The following ALDH16A1 variants were observed in gnomAD, a reference collection of about 807,000 sequenced individuals.
The protein encoded by ALDH16A1 is aldehyde dehydrogenase 16 family member A1, also known as aldehyde dehydrogenase family 16 member A1.
A neutral mutation model predicts 96.1 loss-of-function variants in ALDH16A1; 88 were observed. The observed-to-expected ratio is 0.92, with a 90% confidence interval of 0.77 to 1.09. ALDH16A1 has a LOEUF of 1.09. Ranked by LOEUF, ALDH16A1 falls within the 50% of genes least tolerant of loss-of-function variation. The probability of loss-of-function intolerance (pLI) is 0.00; values close to 1 mark genes in which losing one functional copy is unlikely to be tolerated. For synonymous variants in ALDH16A1, 522 were observed against 496.4 expected (o/e 1.05, Z -0.69); for missense variants, 1,250 against 1,112.6 (o/e 1.12, Z -1.76).
rs1302788792 is a variant in ALDH16A1 at position 49,462,629 on chromosome 19, G to A, written c.972G>A (p.Gln324=). 1 of 1,612,980 alleles carries A rather than the reference G, an allele frequency of 6.2e-7. No individual in the cohort carries two copies. Among genetic ancestry groups the A allele is most frequent in the South Asian group, 1.1e-5 (1 of 91,028 alleles). ...SVWDEAMRRL[Q]ERMGRLRSGR... ...GGGATGAAGCCATGAGACGGCTGCAGGAGCGGATGGGGCGGCTTCGGAGTG... is the reference window on the plus strand; with the variant it reads ...GGGATGAAGCCATGAGACGGCTGCAAGAGCGGATGGGGCGGCTTCGGAGTG... Residue 324 remains glutamine, a synonymous_variant, in exon 8 of 17, where the codon CAG becomes CAA. Coordinates refer to ENST00000293350, the MANE Select transcript of ALDH16A1 (RefSeq NM_153329.4).
intron 10 of ALDH16A1, 48 bp downstream of exon 10, chr19:49,464,311 C>T (rs781545715): frequency 5.5e-5 from 87 of 1,590,558 alleles, no homozygotes; most frequent in Non-Finnish European, 6.7e-5. Flanking sequence ...ATTCTTCCAT[C>T]TTCATCTCCC....
At chr19:49,468,000 A>G (rs1383973817) in intron 14 of ALDH16A1, among the ~76,000 whole-genome samples, 1 of 146,520 alleles carries the variant, frequency 6.8e-6, no homozygotes, top group Non-Finnish European at 1.5e-5. Context: ...TAAATATACA[A>G]AAAAAAAAAA....
intron 14 of ALDH16A1, among the ~76,000 whole-genome samples, chr19:49,467,993 A>G (rs1240501933): frequency 6.6e-6 from 1 of 151,022 alleles, no homozygotes; most frequent in Non-Finnish European, 1.5e-5. Flanking sequence ...TCTCTACTAA[A>G]TATACAAAAA....
chr19:49,459,048 T>G lies in ALDH16A1; in HGVS notation c.282T>G (p.Ser94Arg). ...CCAGGATGGCATTTAAGGGCTGGAGTGCGCACCCCGGCGTCGTCCGGGCCC... is the reference window on the plus strand; with the variant it reads ...CCAGGATGGCATTTAAGGGCTGGAGGGCGCACCCCGGCGTCGTCCGGGCCC... ...EAARMAFKGW[S>R]AHPGVVRAQH... The change falls in exon 3 of 17, where the codon AGT (serine) becomes AGG (arginine). Residue 94 changes from serine to arginine, a missense_variant. By Grantham distance (110) the Ser-to-Arg change is moderately radical. Transcript: ENST00000293350. The surrounding 1 kb of genome is among the most constrained non-coding windows in gnomAD (Gnocchi z 4.1). 6.2e-7 allele frequency: 1 copy of G among 1,613,196 alleles called. No individual in the cohort carries two copies. The highest frequency in any genetic ancestry group is 1.1e-5 in the South Asian group (1 of 91,082).
At chr19:49,466,958 G>A (rs2079204374) in intron 14 of ALDH16A1, among the ~76,000 whole-genome samples, 1 of 152,072 alleles carries the variant, frequency 6.6e-6, no homozygotes, top group Admixed American at 6.6e-5. Context: ...GATCGCTTGA[G>A]GCCAGGAGTT....
At chr19:49,453,641 C>T in intron 1 of ALDH16A1, 2 of 507,286 alleles carry the variant, frequency 3.9e-6, no homozygotes, top group South Asian at 2.9e-5. Flanking sequence ...CACTGGTTCT[C>T]TTGCCCCTTG....
Position 49,461,658 on chromosome 19 carries a change from C to T in ALDH16A1, c.617C>T (p.Ala206Val), listed in dbSNP as rs752869005. The T allele has an allele frequency of 2.4e-5, 39 of 1,604,394 alleles. No homozygotes were observed. Among genetic ancestry groups the T allele is most frequent in the South Asian group, 2.2e-5 (2 of 89,888 alleles). The change falls in exon 6 of 17, where the codon GCG becomes GTG. Residue 206 changes from alanine (A) to valine (V), a missense_variant. Transcript: ENST00000293350. ...GCCCTCGTGCCCCCGGCCTCCCCGG[C>T]GCCCCTCCTCCTGGCCCAGCTGGCG... ...VVALVPPASP[A>V]PLLLAQLAGE... is the part of the protein sequence containing the mutation.
chr19:49,468,803 A>C lies in ALDH16A1; in HGVS notation c.2125-61A>C, dbSNP rs2122427510. 6.4e-7 allele frequency: 1 copy of C among 1,567,688 alleles called. No homozygotes were observed. Among genetic ancestry groups the C allele is most frequent in the Middle Eastern group, 2.3e-4 (1 of 4,346 alleles). ...CTTCCCTCCCATGGGCACCCCCTGA[A>C]TGCCCACTCCTTGCCCTGCCCCCAC... On this transcript the variant is annotated intron_variant, in intron 15 of 16. Transcript: ENST00000293350. The surrounding 1 kb of genome is among the most constrained non-coding windows in gnomAD (Gnocchi z 4.4).
chr19:49,468,436 C>T lies in ALDH16A1; in HGVS notation c.1994C>T (p.Ala665Val), dbSNP rs2079217484. The T allele has an allele frequency of 6.2e-7, 1 of 1,601,334 alleles. No individual in the cohort carries two copies. The highest frequency in any genetic ancestry group is 8.5e-7 in the Non-Finnish European group (1 of 1,179,790). Reference sequence around the variant, plus strand: ...CTGCGGGAGCCGCTGGGTGTGCTGGCTGTGGTGTGTCCGGACGAGTGGCCC... The same window carrying T: ...CTGCGGGAGCCGCTGGGTGTGCTGGTTGTGGTGTGTCCGGACGAGTGGCCC... ...LRLREPLGVLAVVCPDEWPLL... is the reference protein window; with the variant it reads ...LRLREPLGVLVVVCPDEWPLL... Residue 665 changes from alanine (A) to valine (V), a missense_variant, in exon 15 of 17, where the codon GCT becomes GTT. Coordinates refer to ENST00000293350, the MANE Select transcript of ALDH16A1 (RefSeq NM_153329.4). This position sits in a 1 kb window ranked among gnomAD's most constrained non-coding sequence, Gnocchi z 4.4.
Position 49,459,802 on chromosome 19 carries a change from C to A in ALDH16A1, c.453C>A (p.Ile151=), listed in dbSNP as rs2079127718. 5.0e-6 allele frequency: 8 copies of A among 1,613,568 alleles called. No individual in the cohort carries two copies. Among genetic ancestry groups the A allele is most frequent in the Non-Finnish European group, 6.8e-6 (8 of 1,179,902 alleles). ...AGCAGCTGCTCCACTACCATGCAAT[C>A]CAGGCATCCACCCAGGAGGAGGCAC... ...LAQQLLHYHA[I]QASTQEEALA... is the part of the protein sequence containing the mutation. Residue 151 remains isoleucine, a synonymous_variant, in exon 4 of 17, where the codon ATC becomes ATA. Coordinates refer to ENST00000293350, the MANE Select transcript of ALDH16A1 (RefSeq NM_153329.4). The surrounding 1 kb of genome is among the most constrained non-coding windows in gnomAD (Gnocchi z 4.1).
chr19:49,468,992 C>G lies in ALDH16A1; in HGVS notation c.2247+6C>G. 6.2e-7 allele frequency: 1 copy of G among 1,605,070 alleles called. No homozygotes were observed. The highest frequency in any genetic ancestry group is 8.5e-7 in the Non-Finnish European group (1 of 1,173,922). ...GGTATTTCGGATCAGCCCAGGTGCT[C>G]TTTGTTCTGTTTTGCCATCTTCAGC... is the stretch of plus-strand genomic sequence containing the variant. On this transcript the variant is annotated splice_donor_region_variant and intron_variant, in intron 16 of 16. Transcript: ENST00000293350. This position sits in a 1 kb window ranked among gnomAD's most constrained non-coding sequence, Gnocchi z 4.4.
chr19:49,465,786 T>C lies in ALDH16A1; in HGVS notation c.1617T>C (p.Pro539=), dbSNP rs759240746. The change falls in exon 13 of 17, where the codon CCT becomes CCC. Residue 539 remains proline (P), a synonymous_variant. Coordinates refer to ENST00000293350, the MANE Select transcript of ALDH16A1 (RefSeq NM_153329.4). The part of the protein sequence containing the change: ...GLFVGGRFQA[P]GARSSRPIRD... ...TCGTTGGGGGCCGTTTCCAGGCTCC[T>C]GGGGCCCGAAGCTCCAGGCCCATCC... The C allele has an allele frequency of 3.7e-6, 6 of 1,614,072 alleles. No individual in the cohort carries two copies. The highest frequency in any genetic ancestry group is 1.7e-6 in the Non-Finnish European group (2 of 1,179,980).
Position 49,459,023 on chromosome 19 carries a change from C to G in ALDH16A1, c.257C>G (p.Ala86Gly), listed in dbSNP as rs769337524. 1 of 1,613,436 alleles carries G rather than the reference C, an allele frequency of 6.2e-7. No individual in the cohort carries two copies. Among genetic ancestry groups the G allele is most frequent in the Non-Finnish European group, 8.5e-7 (1 of 1,180,036 alleles). ...GATGTGGCTGCAGCCGTGGAGGCAG[C>G]CAGGATGGCATTTAAGGGCTGGAGT... ...AEDVAAAVEA[A>G]RMAFKGWSAH... Residue 86 changes from alanine to glycine, a missense_variant, in exon 3 of 17, where the codon GCC becomes GGC. By Grantham distance (60) the Ala-to-Gly change is moderately conservative (BLOSUM62 0). Transcript: ENST00000293350. This position sits in a 1 kb window ranked among gnomAD's most constrained non-coding sequence, Gnocchi z 4.1.
intron 16 of ALDH16A1, 99 bp downstream of exon 16, chr19:49,469,085 G>A (rs1032653514): frequency 5.7e-5 from 84 of 1,483,720 alleles, no homozygotes; most frequent in Middle Eastern, 5.4e-4. Context: ...ACTCCTGTTG[G>A]TAAGGGGAGA....
intron 1 of ALDH16A1, 153 bp downstream of exon 1, chr19:49,453,574 T>C (rs964738919): frequency 7.2e-6 from 5 of 690,744 alleles, no homozygotes; most frequent in Non-Finnish European, 1.2e-5. Flanking sequence ...TCGCGCCCTG[T>C]AGGACGCTCC....
At position 49,464,502 on chromosome 19, in the gene ALDH16A1, T is replaced by C. The variant is rs1418380709; in HGVS notation, c.1417T>C (p.Ser473Pro). 1.2e-6 allele frequency: 2 copies of C among 1,613,642 alleles called. No individual in the cohort carries two copies. The highest frequency in any genetic ancestry group is 1.7e-6 in the Non-Finnish European group (2 of 1,179,930). The change falls in exon 11 of 17, where the codon TCC becomes CCC. Residue 473 changes from serine to proline, a missense_variant. Physicochemically the swap from Ser to Pro is moderately conservative, Grantham distance 74. Coordinates refer to ENST00000293350, the MANE Select transcript of ALDH16A1 (RefSeq NM_153329.4). ...PTGGCKESGC[S>P]WHGGPDGLYE... ...AGGCGGCTGCAAGGAGAGTGGGTGTTCCTGGCACGGGGGCCCAGACGTGAG... is the reference window on the plus strand; with the variant it reads ...AGGCGGCTGCAAGGAGAGTGGGTGTCCCTGGCACGGGGGCCCAGACGTGAG...
At chr19:49,464,074 C>T in intron 9 of ALDH16A1, 53 bp from the exon 10 acceptor site, 3 of 1,589,938 alleles carry the variant, frequency 1.9e-6, no homozygotes, top group Non-Finnish European at 2.6e-6. Flanking sequence ...CTCTAGGCTC[C>T]TTCCCTGGTG....
intron 4 of ALDH16A1, 91 bp from the exon 5 acceptor site, chr19:49,460,731 C>G: frequency 1.0e-4 from 67 of 668,562 alleles, no homozygotes; most frequent in Non-Finnish European, 1.1e-4. Context: ...TTTTTTTTTC[C>G]TAATGTAGCC....
In ALDH16A1 at chr19:49,462,687, G is replaced by GC. The variant is rs757488215; in HGVS notation, c.1033dup (p.Arg345ProfsTer7). 1.9e-6 allele frequency: 3 copies of GC among 1,608,686 alleles called. No individual in the cohort carries two copies. Among genetic ancestry groups the GC allele is most frequent in the East Asian group, 2.2e-5 (1 of 44,794 alleles). ...GCTGGATGGGGCCGTGGACATGGGG[G>GC]CCCGGGGGGCTGCCGCATGTGACCT... On this transcript the variant is annotated frameshift_variant, in exon 8 of 17. Transcript: ENST00000293350. LOFTEE classifies it high-confidence loss of function.
Sources: gnomAD v4.1 joint callset for allele counts (sites outside exome capture counted in the v4.1 genomes callset) on GRCh38, gnomAD v4.1.1 for gene constraint, Gnocchi (gnomAD v3.1) non-coding constraint, MANE v1.5 for transcripts, NCBI Gene and HGNC (gene_info 2026-07-23, HGNC 2026-07-21) for gene names.